PBX4: variants seen among roughly 807,000 people sequenced by gnomAD.
The protein encoded by PBX4 is PBX homeobox 4.
A neutral mutation model predicts 35.1 loss-of-function variants in PBX4; 26 were observed. That is an observed-to-expected ratio of 0.74 (90% confidence interval 0.54 to 1.03). PBX4 has a LOEUF of 1.03. Among genes scored for constraint, PBX4 ranks in the 50% least tolerant of loss-of-function variants. The pLI, the probability that PBX4 is intolerant of heterozygous loss-of-function variation, is 0.00. For missense variants in PBX4, 448 were observed against 504.3 expected, an observed-to-expected ratio of 0.89 and a Z score of 1.07; for synonymous variants, 199 against 204.2, an observed-to-expected ratio of 0.97 and a Z score of 0.22.
intron 3 of PBX4, 65 bp downstream of exon 3, chr19:19,570,521 T>G: frequency 6.3e-7 from 1 of 1,586,918 alleles, no homozygotes; most frequent in Admixed American, 1.7e-5. Flanking sequence ...GTGGTTAGCG[T>G]TCCGTGTTTC....
intron 1 of PBX4, among the ~76,000 whole-genome samples, chr19:19,604,546 G>A (rs948573472): frequency 1.3e-5 from 2 of 150,950 alleles, no homozygotes; most frequent in African/African-American, 4.9e-5. Flanking sequence ...GTTTGTGGGG[G>A]ATGAGATGAC....
At chr19:19,616,224 G>A (rs2061688094) in intron 1 of PBX4, among the ~76,000 whole-genome samples, 1 of 152,140 alleles carries the variant, frequency 6.6e-6, no homozygotes, top group South Asian at 2.1e-4. Flanking sequence ...AGTGGTGAGT[G>A]GAGGTAAACG....
intron 2 of PBX4, among the ~76,000 whole-genome samples, chr19:19,585,156 T>C (rs879103333): frequency 1.3e-5 from 2 of 151,924 alleles, no homozygotes; most frequent in South Asian, 2.1e-4. Flanking sequence ...TGAAACCCCA[T>C]CTCTATTAAA....
chr19:19,571,893 C>G (rs1013562841), intron 2 of PBX4, among the ~76,000 whole-genome samples: 1 of 151,508 alleles, frequency 6.6e-6, no homozygotes, highest in Admixed American at 6.6e-5. Flanking sequence ...ATTAGCCAAG[C>G]GTGGTGGCGC....
chr19:19,601,059 G>A (rs937761251), intron 1 of PBX4, among the ~76,000 whole-genome samples: 2 of 152,182 alleles, frequency 1.3e-5, no homozygotes, highest in Non-Finnish European at 2.9e-5. Context: ...CAGTTAAGAG[G>A]GAGGGAGTGA....
rs2061572274 is a variant in PBX4 at position 19,598,268 on chromosome 19, T to G, written c.193+1024A>C. Among the ~76,000 whole-genome samples the G allele has an allele frequency of 2.0e-5, 3 of 151,576 alleles. No homozygotes were observed. The Admixed American group carries it at 2.0e-4, about 10-fold the overall frequency. Reference sequence around the variant, plus strand: ...GAGATACGAGAACTCTCTGTACTATTTTTTCAACTTTTCTTTTTCTTTTCT... The same window carrying G: ...GAGATACGAGAACTCTCTGTACTATGTTTTCAACTTTTCTTTTTCTTTTCT... On this transcript the variant is annotated intron_variant, in intron 2 of 7. Coordinates refer to ENST00000251203, the MANE Select transcript of PBX4 (RefSeq NM_025245.3).
At chr19:19,580,599 A>G (rs1253277742) in intron 2 of PBX4, among the ~76,000 whole-genome samples, 1 of 152,222 alleles carries the variant, frequency 6.6e-6, no homozygotes, top group Non-Finnish European at 1.5e-5. Flanking sequence ...TAAGGAAATG[A>G]GTTCTACAAG....
At chr19:19,594,395 TA>T (rs140724783) in intron 2 of PBX4, among the ~76,000 whole-genome samples, 2,219 of 126,170 alleles carry the variant, frequency 0.018, 18 homozygotes, top group Non-Finnish European at 0.022. Flanking sequence ...AAACTCTGTC[TA>T]AAAAAAAAAA....
Position 19,569,436 on chromosome 19 carries a change from G to A in PBX4, c.768+13C>T. ...TCCCAGGCGTGGCGAGACGTGGCAG[G>A]AGAGAACGTCACCTGGGAGATGGTG... On this transcript the variant is annotated intron_variant, in intron 5 of 7. Coordinates refer to ENST00000251203, the MANE Select transcript of PBX4 (RefSeq NM_025245.3). 2 of 1,607,518 alleles carry A rather than the reference G, an allele frequency of 1.2e-6. No homozygotes were observed. The highest frequency in any genetic ancestry group is 1.7e-6 in the Non-Finnish European group (2 of 1,177,774).
intron 1 of PBX4, among the ~76,000 whole-genome samples, chr19:19,608,903 G>A (rs1306214770): frequency 6.6e-6 from 1 of 152,142 alleles, no homozygotes; most frequent in Non-Finnish European, 1.5e-5. Flanking sequence ...ACTCTCCAAT[G>A]TCTGCCTCTC....
chr19:19,612,657 G>C (rs761605654), intron 1 of PBX4, among the ~76,000 whole-genome samples: 3 of 152,038 alleles, frequency 2.0e-5, no homozygotes, highest in Non-Finnish European at 4.4e-5. Context: ...GTGAACTTTA[G>C]GGCTTTGAGT....
chr19:19,604,613 A>T (rs200977863), intron 1 of PBX4, among the ~76,000 whole-genome samples: 1 of 151,890 alleles, frequency 6.6e-6, no homozygotes, highest in African/African-American at 2.4e-5. Flanking sequence ...TTTAATTTTT[A>T]TTTTTGAGAT....
At chr19:19,585,772 G>A (rs1425825647) in intron 2 of PBX4, among the ~76,000 whole-genome samples, 1 of 151,972 alleles carries the variant, frequency 6.6e-6, no homozygotes, top group Non-Finnish European at 1.5e-5. Flanking sequence ...CCTTGAGAAT[G>A]TACTTTGTGA....
At chr19:19,577,301 G>C (rs2061425974) in intron 2 of PBX4, among the ~76,000 whole-genome samples, 1 of 152,042 alleles carries the variant, frequency 6.6e-6, no homozygotes, top group African/African-American at 2.4e-5. Context: ...AGAGTTTTGA[G>C]ATACTGGTTA....
chr19:19,588,132 T>C (rs2061502402), intron 2 of PBX4: 1 of 1,106,826 alleles, frequency 9.0e-7, no homozygotes, highest in African/African-American at 1.5e-5. Flanking sequence ...ATAGAAGAGG[T>C]CTTAGAGCTC....
At chr19:19,598,913 C>CTTTTTTTTTTTTTTTTTTTT (rs34982058) in intron 2 of PBX4, among the ~76,000 whole-genome samples, 1 of 112,592 alleles carries the variant, frequency 8.9e-6, no homozygotes, top group African/African-American at 3.3e-5. Context: ...CAGGAAGTGC[C>CTTTTTTTTTTTTTTTTTTTT]TTTTTTTTTT....
chr19:19,574,976 C>T (rs932901896), intron 2 of PBX4, among the ~76,000 whole-genome samples: 2 of 152,110 alleles, frequency 1.3e-5, no homozygotes. Flanking sequence ...TGAGCCACCA[C>T]GCCCAGCCTG....
chr19:19,576,849 A>C (rs1462202262), intron 2 of PBX4, among the ~76,000 whole-genome samples: 1 of 151,562 alleles, frequency 6.6e-6, no homozygotes, highest in African/African-American at 2.4e-5. Flanking sequence ...CCTGTCCTCA[A>C]GCGAGCCTCC....
chr19:19,564,620 C>G (rs2061329652), intron 6 of PBX4, among the ~76,000 whole-genome samples: 1 of 152,112 alleles, frequency 6.6e-6, no homozygotes, highest in Admixed American at 6.5e-5. Flanking sequence ...AGGCTGGTCT[C>G]AAACTCCTGA....
Sources: gnomAD v4.1 joint callset for allele counts (sites outside exome capture counted in the v4.1 genomes callset) on GRCh38, gnomAD v4.1.1 for gene constraint, MANE v1.5 for transcripts, NCBI Gene and HGNC (gene_info 2026-07-23, HGNC 2026-07-21) for gene names.